Variants in PSD3 observed in about 807,000 individuals in gnomAD.
The protein encoded by PSD3 is PH and SEC7 domain-containing protein 3.
PSD3 carries 49 observed loss-of-function variants against 105.5 expected under a neutral mutation model. The ratio of observed to expected loss-of-function variants is 0.46; its 90% CI spans 0.37 to 0.59. PSD3 has a LOEUF of 0.59. PSD3 is among the 20% of genes least tolerant of loss of function. PSD3 has a pLI of 0.00. For synonymous variants in PSD3, 557 were observed against 457.8 expected (o/e 1.22, Z -2.77); for missense variants, 1,561 against 1,263.8 (o/e 1.24, Z -3.57).
intron 1 of PSD3, among the ~76,000 whole-genome samples, chr8:18,968,127 G>A (rs1406940338): frequency 2.0e-5 from 3 of 152,104 alleles, no homozygotes; most frequent in Non-Finnish European, 2.9e-5. Flanking sequence ...TCCTGAAATT[G>A]CCAGAGAAGG....
chr8:18,930,920 C>T lies in PSD3; in HGVS notation c.130+5114G>A, dbSNP rs577783205. Among the ~76,000 whole-genome samples the T allele has an allele frequency of 2.1e-3, 325 of 152,254 alleles. 1 individual carries two copies. Among genetic ancestry groups the T allele is most frequent in the South Asian group, 3.9e-3 (19 of 4,814 alleles). On this transcript the variant is annotated intron_variant, in intron 2 of 15. Transcript: ENST00000327040. ...TTTACATTCCTGCCACCAGTGTGTA[C>T]GAGCTCAGTAGCTCCACTTTCTTAC... is the stretch of plus-strand genomic sequence containing the variant.
At chr8:18,646,919 G>A (rs1262822369) in intron 10 of PSD3, among the ~76,000 whole-genome samples, 2 of 152,074 alleles carry the variant, frequency 1.3e-5, no homozygotes, top group African/African-American at 4.8e-5. Flanking sequence ...AGAGACTTTG[G>A]AACTAGTTAC....
chr8:18,770,652 G>A (rs67028998), intron 8 of PSD3, among the ~76,000 whole-genome samples: 23,546 of 152,178 alleles, frequency 0.15, 2,488 homozygotes, highest in East Asian at 0.34. Flanking sequence ...TACTGGTCCC[G>A]CAGCAACATC....
intron 14 of PSD3, among the ~76,000 whole-genome samples, chr8:18,571,603 G>A (rs1025486625): frequency 6.6e-6 from 1 of 152,122 alleles, no homozygotes; most frequent in Non-Finnish European, 1.5e-5. Context: ...GCCTTCATCT[G>A]CCTTTCTATC....
chr8:18,922,025 A>G (rs1033651318), intron 2 of PSD3, among the ~76,000 whole-genome samples: 3 of 152,236 alleles, frequency 2.0e-5, no homozygotes, highest in African/African-American at 4.8e-5. Context: ...CAAATAAATC[A>G]TAAGTTAAAA....
chr8:18,936,245 T>C, intron 1 of PSD3, 103 bp from the exon 2 acceptor site: 2 of 764,638 alleles, frequency 2.6e-6, no homozygotes, highest in Non-Finnish European at 2.2e-6. Flanking sequence ...AATTATGACA[T>C]ATGTACTCAA....
intron 2 of PSD3, among the ~76,000 whole-genome samples, chr8:18,920,218 CT>C (rs1204461304): frequency 1.3e-5 from 2 of 152,084 alleles, no homozygotes; most frequent in Non-Finnish European, 2.9e-5. Context: ...GCAAAAATAC[CT>C]TTTCGTAACA....
intron 9 of PSD3, among the ~76,000 whole-genome samples, chr8:18,663,994 T>C (rs1809540528): frequency 6.6e-6 from 1 of 152,202 alleles, no homozygotes; most frequent in South Asian, 2.1e-4. Context: ...CTGTAATTGT[T>C]TTGGGGAGCC....
intron 1 of PSD3, among the ~76,000 whole-genome samples, chr8:19,006,258 AC>A (rs1369368255): frequency 1.4e-5 from 2 of 138,344 alleles, no homozygotes; most frequent in African/African-American, 5.4e-5. Context: ...ACGCCATTGC[AC>A]CCCCGGCCTG....
Position 18,872,612 on chromosome 8 carries a change from C to G in PSD3, c.252G>C (p.Leu84=). 2 of 1,614,052 alleles carry G rather than the reference C, an allele frequency of 1.2e-6. No homozygotes were observed. The change falls in exon 3 of 16, where the codon CTG becomes CTC. Residue 84 remains leucine, a synonymous_variant. Transcript: ENST00000327040. ...RASLEFDGEA[L]PCHPQEQQGV... ...CCTGCTGCTCTTGTGGGTGGCATGG[C>G]AGAGCCTCACCATCAAATTCCAGAG...
intron 1 of PSD3, among the ~76,000 whole-genome samples, chr8:19,005,862 T>G (rs374286063): frequency 5.3e-5 from 8 of 151,922 alleles, no homozygotes; most frequent in Admixed American, 4.6e-4. Flanking sequence ...ATGAACATAC[T>G]AAAAATCAAT....
intron 1 of PSD3, among the ~76,000 whole-genome samples, chr8:18,963,238 T>C (rs1287377726): frequency 1.3e-5 from 2 of 152,082 alleles, no homozygotes; most frequent in Non-Finnish European, 2.9e-5. Flanking sequence ...CTACAACACA[T>C]GGGAATTATG....
At chr8:18,622,934 A>G (rs1032915954) in intron 11 of PSD3, among the ~76,000 whole-genome samples, 1 of 152,238 alleles carries the variant, frequency 6.6e-6, no homozygotes, top group Non-Finnish European at 1.5e-5. Flanking sequence ...CCACAATTAA[A>G]TCTTTCACAT....
intron 6 of PSD3, among the ~76,000 whole-genome samples, chr8:18,801,759 C>T (rs2638625): frequency 0.51 from 77,701 of 151,646 alleles, 20,553 homozygotes; most frequent in East Asian, 0.7. Flanking sequence ...ACCCAGGAGG[C>T]GGAGGTTGCA....
intron 9 of PSD3, chr8:18,721,208 T>C: frequency 6.6e-6 from 1 of 151,982 alleles, no homozygotes; most frequent in East Asian, 1.9e-4. Flanking sequence ...GTGCAATTTC[T>C]GATACTGTTT....
chr8:18,707,915 C>A (rs1230215984), intron 9 of PSD3, among the ~76,000 whole-genome samples: 1 of 152,180 alleles, frequency 6.6e-6, no homozygotes, highest in Non-Finnish European at 1.5e-5. Flanking sequence ...AGTAGGACAT[C>A]AAAGTTTGGG....
chr8:18,785,164 CT>C (rs1245305401), intron 8 of PSD3, among the ~76,000 whole-genome samples: 2 of 152,104 alleles, frequency 1.3e-5, no homozygotes, highest in Non-Finnish European at 2.9e-5. Context: ...GAGACCAAAT[CT>C]GTATTTCTTA....
At chr8:19,003,325 G>A (rs1316667037) in intron 1 of PSD3, among the ~76,000 whole-genome samples, 2 of 151,784 alleles carry the variant, frequency 1.3e-5, no homozygotes, top group African/African-American at 4.8e-5. Context: ...GAGCTATGAT[G>A]GCGCCTGGGA....
chr8:18,953,574 CCCCA>C (rs1370686191), intron 1 of PSD3, among the ~76,000 whole-genome samples: 9 of 152,012 alleles, frequency 5.9e-5, no homozygotes, highest in African/African-American at 2.2e-4. Context: ...CATGTTAAAA[CCCCA>C]TCTCTACTAA....
Sources: gnomAD v4.1 joint callset for allele counts (sites outside exome capture counted in the v4.1 genomes callset) on GRCh38, gnomAD v4.1.1 for gene constraint, MANE v1.5 for transcripts, NCBI Gene and HGNC (gene_info 2026-07-23, HGNC 2026-07-21) for gene names.